The following MAST4 variants were observed in gnomAD, a reference collection of about 807,000 sequenced individuals.
MAST4 encodes the protein microtubule-associated serine/threonine-protein kinase 4.
MAST4 carries 89 observed loss-of-function variants against 162.7 expected under a neutral mutation model. The observed-to-expected ratio is 0.55, with a 90% CI of 0.46 to 0.65. MAST4 has a LOEUF of 0.65. Ranked by LOEUF, MAST4 falls within the 30% of genes least tolerant of loss-of-function variation. MAST4 has a pLI of 0.00. For synonymous variants in MAST4, 1,479 were observed against 1,361.1 expected (o/e 1.09, Z -1.91); for missense variants, 3,153 against 3,374.0 (o/e 0.93, Z 1.62).
At position 66,687,668 on chromosome 5, in the gene MAST4, CTA is replaced by C. The variant is rs1341319260; in HGVS notation, c.364-72039_364-72038del. On this transcript the variant is annotated intron_variant, in intron 1 of 28. Coordinates refer to ENST00000403625, the MANE Select transcript of MAST4 (RefSeq NM_001164664.2). ...TCTATCTATCTATCTATCTATCTAT[CTA>C]TCTATCTATACGCACCACATTTTCA... 1.1e-3 allele frequency among the ~76,000 whole-genome samples: 169 copies of C among 148,746 alleles called. 3 individuals carry two copies. In the East Asian group the frequency reaches 0.026, roughly 23 times the overall value.
chr5:66,828,893 G>C (rs550019939), intron 3 of MAST4: 2 of 1,590,292 alleles, frequency 1.3e-6, no homozygotes, highest in South Asian at 1.1e-5. Flanking sequence ...GTAGGAGACT[G>C]CTCCATTCTT....
At chr5:66,687,248 T>G (rs1748719424) in intron 1 of MAST4, among the ~76,000 whole-genome samples, 1 of 152,156 alleles carries the variant, frequency 6.6e-6, no homozygotes. Flanking sequence ...CTCATCCTTA[T>G]GGGGTCCACA....
At chr5:66,816,059 A>C (rs1487413149) in intron 3 of MAST4, among the ~76,000 whole-genome samples, 1 of 152,224 alleles carries the variant, frequency 6.6e-6, no homozygotes, top group Non-Finnish European at 1.5e-5. Context: ...AGGAAGATTG[A>C]GGAAAAGTGC....
At chr5:66,618,344 G>A (rs1448018234) in intron 1 of MAST4, among the ~76,000 whole-genome samples, 3 of 152,136 alleles carry the variant, frequency 2.0e-5, no homozygotes, top group African/African-American at 7.2e-5. Flanking sequence ...GACAGGGTTA[G>A]GATTTGGACC....
chr5:66,776,741 G>C (rs988660495), intron 2 of MAST4, among the ~76,000 whole-genome samples: 3 of 152,178 alleles, frequency 2.0e-5, no homozygotes, highest in Non-Finnish European at 4.4e-5. Flanking sequence ...TTCACATGCA[G>C]GATATTGTGC....
At chr5:67,115,507 A>G (rs938880485) in intron 12 of MAST4, among the ~76,000 whole-genome samples, 4 of 152,178 alleles carry the variant, frequency 2.6e-5, no homozygotes, top group African/African-American at 9.7e-5. Context: ...TGCCAGATAA[A>G]TTTATACTGT....
chr5:66,741,502 T>C (rs6883292), intron 1 of MAST4, among the ~76,000 whole-genome samples: 10,038 of 152,284 alleles, frequency 0.066, 995 homozygotes, highest in African/African-American at 0.21. Flanking sequence ...GTAGGCAGCA[T>C]GTAGACACAA....
At chr5:66,882,546 C>T (rs1261838545) in intron 3 of MAST4, among the ~76,000 whole-genome samples, 1 of 152,028 alleles carries the variant, frequency 6.6e-6, no homozygotes. Context: ...TGTTAGTAAG[C>T]CCATTTCATT....
intron 1 of MAST4, among the ~76,000 whole-genome samples, chr5:66,613,795 A>G (rs1459567925): frequency 6.6e-6 from 1 of 152,236 alleles, no homozygotes; most frequent in Non-Finnish European, 1.5e-5. Context: ...TAAGCTACTG[A>G]GGAAAAACCT....
chr5:67,049,060 C>CGTGT, intron 4 of MAST4, among the ~76,000 whole-genome samples: 2 of 82,808 alleles, frequency 2.4e-5, no homozygotes, highest in African/African-American at 1.2e-4. Context: ...TATATATATA[C>CGTGT]GTATATATAT....
At chr5:67,139,983 G>T (rs1256902650) in intron 19 of MAST4, among the ~76,000 whole-genome samples, 1 of 152,194 alleles carries the variant, frequency 6.6e-6, no homozygotes, top group African/African-American at 2.4e-5. Flanking sequence ...TGAAATGAAG[G>T]CTCTCAGCAG....
chr5:66,919,115 C>T (rs574684226), intron 4 of MAST4, among the ~76,000 whole-genome samples: 4 of 142,808 alleles, frequency 2.8e-5, no homozygotes, highest in African/African-American at 9.8e-5. Flanking sequence ...CACACACACA[C>T]ACACACACAC....
intron 3 of MAST4, among the ~76,000 whole-genome samples, chr5:66,872,579 C>G (rs1245267837): frequency 6.6e-6 from 1 of 152,274 alleles, no homozygotes; most frequent in African/African-American, 2.4e-5. Context: ...TCTAGGGCAT[C>G]CCTTCCCGCC....
chr5:66,597,597 G>C (rs1156775728), intron 1 of MAST4, among the ~76,000 whole-genome samples: 1 of 152,210 alleles, frequency 6.6e-6, no homozygotes, highest in African/African-American at 2.4e-5. Context: ...GCGCTCCCTC[G>C]GTGGCGCTGG....
intron 3 of MAST4, among the ~76,000 whole-genome samples, chr5:66,884,350 T>C (rs996228548): frequency 6.6e-6 from 1 of 152,214 alleles, no homozygotes; most frequent in African/African-American, 2.4e-5. Flanking sequence ...AAAGGAACCT[T>C]AAGTTTTTCT....
chr5:66,887,638 C>T (rs1000958848), intron 3 of MAST4, among the ~76,000 whole-genome samples: 2 of 152,158 alleles, frequency 1.3e-5, no homozygotes, highest in African/African-American at 2.4e-5. Context: ...ACATAACTTT[C>T]CTAATACTCA....
chr5:66,982,097 G>A (rs1385184694), intron 4 of MAST4, among the ~76,000 whole-genome samples: 1 of 152,224 alleles, frequency 6.6e-6, no homozygotes, highest in African/African-American at 2.4e-5. Context: ...TTTACAGAGA[G>A]AGATTAACTT....
chr5:66,724,799 A>C (rs1391465163), intron 1 of MAST4, among the ~76,000 whole-genome samples: 1 of 151,970 alleles, frequency 6.6e-6, no homozygotes, highest in African/African-American at 2.4e-5. Flanking sequence ...ATCTTTTATA[A>C]TATATAATTA....
intron 6 of MAST4, chr5:67,094,251 C>G: frequency 1.1e-6 from 1 of 882,256 alleles, no homozygotes. Context: ...GGACCATTTG[C>G]ATTTATTGGA....
Sources: allele counts gnomAD v4.1 joint callset (sites outside exome capture counted in the v4.1 genomes callset), GRCh38; gene constraint gnomAD v4.1.1; transcripts MANE v1.5; gene names NCBI Gene and HGNC (gene_info 2026-07-23, HGNC 2026-07-21).